The following GNG3 variants were observed in gnomAD, a reference collection of about 807,000 sequenced individuals.
The protein encoded by GNG3 is G protein subunit gamma 3.
Under a neutral mutation model 5.6 loss-of-function variants are expected in GNG3, and 4 were observed. That is an observed-to-expected ratio of 0.71 (90% confidence interval 0.35 to 1.63). GNG3 has a LOEUF of 1.63. Ranked by LOEUF, GNG3 falls within the 40% of genes most tolerant of loss-of-function variation. GNG3 has a pLI of 0.05. For synonymous variants in GNG3, 30 were observed against 33.5 expected (o/e 0.89, Z 0.36); for missense variants, 62 against 96.6 (o/e 0.64, Z 1.50).
chr11:62,707,808 C>T lies in GNG3; in HGVS notation c.-109C>T, dbSNP rs1326790833. 2 of 253,554 alleles carry T rather than the reference C, an allele frequency of 7.9e-6. No individual in the cohort carries two copies. Among genetic ancestry groups the T allele is most frequent in the Non-Finnish European group, 1.6e-5 (2 of 128,934 alleles). 15.7% of individuals were successfully genotyped at this position (253,554 alleles called of 1,614,324 possible). On this transcript the variant is annotated 5_prime_UTR_variant, in exon 1 of 3. Coordinates refer to ENST00000294117, the MANE Select transcript of GNG3 (RefSeq NM_012202.5). Reference sequence around the variant, plus strand: ...ATAGTCACTGCTTCTGCATCAGATACTTTCAGCTGCAACTCCCTACTGGGT... The same window carrying T: ...ATAGTCACTGCTTCTGCATCAGATATTTTCAGCTGCAACTCCCTACTGGGT...
chr11:62,707,702 A>C lies in GNG3; in HGVS notation c.-215A>C, dbSNP rs1590888018. On this transcript the variant is annotated 5_prime_UTR_variant, in exon 1 of 3. Coordinates refer to ENST00000294117, the MANE Select transcript of GNG3 (RefSeq NM_012202.5). ...TTCTAGCATCCTTCATCCTTCAGGT[A>C]CCAGCCATCCAGACAGTGCTTGAGC... 2.0e-5 allele frequency: 7 copies of C among 357,422 alleles called. No homozygotes were observed. Among genetic ancestry groups the C allele is most frequent in the South Asian group, 1.8e-4 (7 of 38,390 alleles). The allele number at this position is 357,422 out of a possible 1,614,324, so 22.1% of individuals were successfully genotyped here.
intron 2 of GNG3, 105 bp downstream of exon 2, chr11:62,708,499 G>T (rs1175761541): frequency 8.3e-7 from 1 of 1,198,656 alleles, no homozygotes; most frequent in Non-Finnish European, 1.2e-6. Context: ...ACTCCCTGAG[G>T]TCAGGGGAGG....
At chr11:62,706,655 C>T (rs1288315571), upstream of GNG3, 3 of 475,080 alleles carry the variant, frequency 6.3e-6, no homozygotes, top group East Asian at 1.4e-4. Flanking sequence ...CCGAGTGAGG[C>T]GGTCATCCAG....
In GNG3 at chr11:62,708,379, C is replaced by T. The variant is rs775740596; in HGVS notation, c.84C>T (p.Ser28=). 7 of 1,611,730 alleles carry T rather than the reference C, an allele frequency of 4.3e-6. No homozygotes were observed. In the African/African-American group the frequency reaches 9.4e-5, roughly 22 times the overall value. ...KMVEQLKIEA[S]LCRIKVSKAA... is the part of the protein sequence containing the mutation. ...TGGAACAGCTTAAGATTGAAGCCAG[C>T]TTGTGTCGGATAAAGGTAGGTGGGA... is the stretch of plus-strand genomic sequence containing the variant. Residue 28 remains serine, a synonymous_variant, in exon 2 of 3, where the codon AGC becomes AGT. Coordinates refer to ENST00000294117, the MANE Select transcript of GNG3 (RefSeq NM_012202.5).
chr11:62,706,493 G>A, upstream of GNG3: 2 of 407,044 alleles, frequency 4.9e-6, no homozygotes, highest in South Asian at 3.6e-5. Context: ...CGGTTACCGT[G>A]ACCAAAGGGG....
At position 62,709,078 on chromosome 11, in the gene GNG3, GC is replaced by G; in HGVS notation, c.*275del. 2.0e-6 allele frequency: 1 copy of G among 492,156 alleles called. No homozygotes were observed. Among genetic ancestry groups the G allele is most frequent in the South Asian group, 1.8e-5 (1 of 55,908 alleles). The allele number at this position is 492,156 out of a possible 1,614,324, so 30.5% of individuals were successfully genotyped here. Reference sequence around the variant, plus strand: ...CCGTCAGACTCTGCCAGCGCGTCCTGCCCGCTTCCCTCGGTGACCTGCTCAG... The same window carrying G: ...CCGTCAGACTCTGCCAGCGCGTCCTGCCGCTTCCCTCGGTGACCTGCTCAG... On this transcript the variant is annotated 3_prime_UTR_variant, in exon 3 of 3. Transcript: ENST00000294117.
At chr11:62,707,501 G>T (rs545513606), upstream of GNG3, 1 of 638,060 alleles carries the variant, frequency 1.6e-6, no homozygotes, top group Non-Finnish European at 2.8e-6. Flanking sequence ...TTTGAGAGGG[G>T]GAGTCGGCCT....
chr11:62,707,072 GTA>G, upstream of GNG3: 1 of 1,526,066 alleles, frequency 6.6e-7, no homozygotes, highest in Middle Eastern at 1.7e-4. Flanking sequence ...CCTATTTCCA[GTA>G]TATTTCTGCT....
chr11:62,706,717 G>A (rs755555057), upstream of GNG3: 6 of 492,350 alleles, frequency 1.2e-5, no homozygotes, highest in South Asian at 9.3e-5. Flanking sequence ...GGCATCTAAG[G>A]CGGGGGCATT....
At chr11:62,707,276 G>A (rs2083557149), upstream of GNG3, 3 of 1,196,546 alleles carry the variant, frequency 2.5e-6, no homozygotes, top group African/African-American at 3.0e-5. Flanking sequence ...TCCAGACGCT[G>A]ATACCTGTGG....
upstream of GNG3, chr11:62,706,719 G>A (rs188002937): frequency 2.5e-4 from 121 of 493,330 alleles, no homozygotes; most frequent in African/African-American, 2.2e-3. Flanking sequence ...CATCTAAGGC[G>A]GGGGCATTCG....
upstream of GNG3, chr11:62,707,223 G>A (rs942943286): frequency 1.9e-6 from 3 of 1,540,316 alleles, no homozygotes; most frequent in African/African-American, 4.1e-5. Flanking sequence ...GTTGACTCTG[G>A]ATCTTCCACT....
At chr11:62,707,150 C>T (rs1170183404), upstream of GNG3, 1 of 1,554,742 alleles carries the variant, frequency 6.4e-7, no homozygotes, top group Non-Finnish European at 8.7e-7. Context: ...CCGCACACCT[C>T]TTTTTCCCCA....
intron 2 of GNG3, 100 bp downstream of exon 2, chr11:62,708,494 C>A: frequency 8.2e-7 from 1 of 1,222,080 alleles, no homozygotes; most frequent in East Asian, 2.3e-5. Flanking sequence ...CCTTCACTCC[C>A]TGAGGTCAGG....
Position 62,708,866 on chromosome 11 carries a change from C to A in GNG3, c.*60C>A. On this transcript the variant is annotated 3_prime_UTR_variant, in exon 3 of 3. Coordinates refer to ENST00000294117, the MANE Select transcript of GNG3 (RefSeq NM_012202.5). The stretch of plus-strand genomic sequence containing the variant: ...CCCTCTCCTGGGCCCTTCCTTAGGT[C>A]AGTAATTGTTGTGAGCCCCTTAGGC... 1.5e-6 allele frequency: 2 copies of A among 1,337,898 alleles called. No individual in the cohort carries two copies. Among genetic ancestry groups the A allele is most frequent in the South Asian group, 2.4e-5 (2 of 82,140 alleles). The allele number at this position is 1,337,898 out of a possible 1,614,324, so 82.9% of individuals were successfully genotyped here.
upstream of GNG3, chr11:62,706,466 T>C (rs535236799): frequency 2.1e-4 from 83 of 404,612 alleles, no homozygotes; most frequent in Non-Finnish European, 3.3e-4. Context: ...TGGCTCTCTC[T>C]GCGGCAGGTT....
At chr11:62,708,554 G>T (rs1162806274) in intron 2 of GNG3, 124 bp from the exon 3 acceptor site, 4 of 1,399,362 alleles carry the variant, frequency 2.9e-6, no homozygotes, top group African/African-American at 2.8e-5. Flanking sequence ...CCTCTGGGGG[G>T]GATGAGGGAG....
In GNG3 at chr11:62,707,787, T is replaced by A. The variant is rs1187429169; in HGVS notation, c.-130T>A. The A allele has an allele frequency of 8.4e-5, 22 of 262,114 alleles. No individual in the cohort carries two copies. Among genetic ancestry groups the A allele is most frequent in the Non-Finnish European group, 1.5e-5 (2 of 133,602 alleles). 16.2% of individuals were successfully genotyped at this position (262,114 alleles called of 1,614,324 possible). ...TCCCCAGGGGCCTCCTTTCGTATAGTCACTGCTTCTGCATCAGATACTTTC... is the reference window on the plus strand; with the variant it reads ...TCCCCAGGGGCCTCCTTTCGTATAGACACTGCTTCTGCATCAGATACTTTC... On this transcript the variant is annotated 5_prime_UTR_variant, in exon 1 of 3. Transcript: ENST00000294117.
At chr11:62,707,295 A>G (rs1411716294), upstream of GNG3, 1 of 1,031,378 alleles carries the variant, frequency 9.7e-7, no homozygotes, top group Admixed American at 2.0e-5. Context: ...GGCGCATCAC[A>G]TTTTCCTGGA....
Sources: allele counts gnomAD v4.1 joint callset, GRCh38; gene constraint gnomAD v4.1.1; transcripts MANE v1.5; gene names NCBI Gene and HGNC (gene_info 2026-07-23, HGNC 2026-07-21).